The following VWA8 variants were observed in gnomAD, a reference collection of about 807,000 sequenced individuals.
VWA8 encodes the protein von Willebrand factor A domain containing 8.
A neutral mutation model predicts 241.5 loss-of-function variants in VWA8; 221 were observed. That is an observed-to-expected ratio of 0.91 (90% CI 0.82 to 1.02). The LOEUF (loss-of-function observed/expected upper bound fraction) is 1.02. VWA8 is among the 50% of genes least tolerant of loss of function. The pLI, the probability that VWA8 is intolerant of heterozygous loss-of-function variation, is 0.00. For missense variants in VWA8, 2,322 were observed against 2,328.7 expected (o/e 1.00, Z 0.06); for synonymous variants, 852 against 827.1 (o/e 1.03, Z -0.52).
intron 21 of VWA8, among the ~76,000 whole-genome samples, chr13:41,756,295 A>G (rs1043150449): frequency 6.6e-6 from 1 of 151,730 alleles, no homozygotes; most frequent in Non-Finnish European, 1.5e-5. Context: ...GGTAACATAC[A>G]CCTAGAAATA....
chr13:41,938,031 C>T (rs892144040), intron 2 of VWA8, among the ~76,000 whole-genome samples: 2 of 151,734 alleles, frequency 1.3e-5, no homozygotes, highest in East Asian at 3.9e-4. Flanking sequence ...CATGGTGGCA[C>T]ACGTCTGTAA....
At chr13:41,923,579 G>A (rs1490677140) in intron 2 of VWA8, among the ~76,000 whole-genome samples, 1 of 151,984 alleles carries the variant, frequency 6.6e-6, no homozygotes, top group African/African-American at 2.4e-5. Flanking sequence ...CTGGACCTGT[G>A]CCCCAGATCC....
At chr13:41,790,302 G>T (rs1869397544) in intron 17 of VWA8, among the ~76,000 whole-genome samples, 1 of 152,078 alleles carries the variant, frequency 6.6e-6, no homozygotes, top group Admixed American at 6.6e-5. Flanking sequence ...CACTGTGTAT[G>T]ATTAGTTCGA....
At chr13:41,711,864 ACT>A (rs2045320632) in intron 26 of VWA8, among the ~76,000 whole-genome samples, 1 of 151,368 alleles carries the variant, frequency 6.6e-6, no homozygotes, top group South Asian at 2.1e-4. Flanking sequence ...ACAGAGCGAG[ACT>A]CTGTCTCAAA....
intron 44 of VWA8, among the ~76,000 whole-genome samples, chr13:41,569,230 A>T (rs1308851996): frequency 6.6e-6 from 1 of 152,382 alleles, no homozygotes; most frequent in South Asian, 2.1e-4. Flanking sequence ...CCACAAGGGT[A>T]TTATTGTGCT....
At chr13:41,848,939 A>G (rs1872405989) in intron 12 of VWA8, among the ~76,000 whole-genome samples, 1 of 152,246 alleles carries the variant, frequency 6.6e-6, no homozygotes, top group Admixed American at 6.5e-5. Flanking sequence ...ACCTTTTAAC[A>G]GCAGTCAATA....
chr13:41,905,806 G>A (rs1260521121), intron 4 of VWA8, among the ~76,000 whole-genome samples: 2 of 152,150 alleles, frequency 1.3e-5, no homozygotes, highest in East Asian at 1.9e-4. Flanking sequence ...CTCTTACCCT[G>A]TAGAGGTAAA....
Position 41,961,043 on chromosome 13 carries a change from G to A in VWA8, c.-28C>T, listed in dbSNP as rs1878596330. ...CGCCGGGGGGGCTGTCGGGGACGGCGAGGGGGCTCGGGGATCGAGCGGCGT... is the reference window on the plus strand; with the variant it reads ...CGCCGGGGGGGCTGTCGGGGACGGCAAGGGGGCTCGGGGATCGAGCGGCGT... On this transcript the variant is annotated 5_prime_UTR_variant, in exon 1 of 45. Transcript: ENST00000379310. 7 of 1,357,090 alleles carry A rather than the reference G, an allele frequency of 5.2e-6. No homozygotes were observed. The highest frequency in any genetic ancestry group is 5.7e-6 in the Non-Finnish European group (6 of 1,061,458). The allele number at this position is 1,357,090 out of a possible 1,614,324, so 84.1% of individuals were successfully genotyped here.
At chr13:41,710,230 T>A (rs1184766716) in intron 26 of VWA8, among the ~76,000 whole-genome samples, 2 of 152,192 alleles carry the variant, frequency 1.3e-5, no homozygotes, top group Non-Finnish European at 1.5e-5. Flanking sequence ...CAACAAATGA[T>A]GCACTCTACT....
chr13:41,885,845 C>A, intron 8 of VWA8, 75 bp downstream of exon 8: 1 of 1,033,210 alleles, frequency 9.7e-7, no homozygotes, highest in South Asian at 1.6e-5. Context: ...AAACTGAAGT[C>A]ATTAATCCCT....
intron 9 of VWA8, among the ~76,000 whole-genome samples, chr13:41,869,700 C>T (rs1306908664): frequency 1.5e-5 from 2 of 137,680 alleles, no homozygotes; most frequent in Non-Finnish European, 3.1e-5. Context: ...CAATTATCAA[C>T]GTTCTAACAT....
chr13:41,588,457 A>C (rs1243847562), intron 41 of VWA8, among the ~76,000 whole-genome samples: 1 of 152,218 alleles, frequency 6.6e-6, no homozygotes, highest in Non-Finnish European at 1.5e-5. Flanking sequence ...GCAGGGGCTC[A>C]TGCCTGTAAT....
At chr13:41,640,680 T>C (rs1407463847) in intron 37 of VWA8, among the ~76,000 whole-genome samples, 2 of 152,218 alleles carry the variant, frequency 1.3e-5, no homozygotes, top group African/African-American at 4.8e-5. Context: ...TGCTTAATGC[T>C]AAAACTGGGG....
chr13:41,819,976 A>G (rs1593793558), intron 14 of VWA8, among the ~76,000 whole-genome samples: 1 of 152,340 alleles, frequency 6.6e-6, no homozygotes, highest in East Asian at 1.9e-4. Flanking sequence ...CTTATAGGAA[A>G]TGTTATGATT....
intron 22 of VWA8, among the ~76,000 whole-genome samples, 162 bp from the exon 23 acceptor site, chr13:41,729,839 ACAC>A (rs1482021536): frequency 8.7e-5 from 13 of 150,266 alleles, no homozygotes; most frequent in African/African-American, 3.0e-4. Context: ...ACACACACAC[ACAC>A]ATCTATAGCA....
intron 41 of VWA8, among the ~76,000 whole-genome samples, chr13:41,589,503 C>G (rs1165179638): frequency 3.3e-5 from 5 of 152,118 alleles, no homozygotes; most frequent in Middle Eastern, 6.3e-3. Flanking sequence ...CGTGTTGGAG[C>G]TCAGAAATCG....
chr13:41,779,356 G>A (rs1181553012), intron 19 of VWA8, among the ~76,000 whole-genome samples: 2 of 151,578 alleles, frequency 1.3e-5, no homozygotes, highest in African/African-American at 4.8e-5. Context: ...CTGAGAAAGT[G>A]TTTTATCTCC....
intron 38 of VWA8, among the ~76,000 whole-genome samples, chr13:41,614,299 A>G (rs2044607669): frequency 6.6e-6 from 1 of 152,188 alleles, no homozygotes; most frequent in Non-Finnish European, 1.5e-5. Context: ...CCTCATGGTG[A>G]GATAAGCTCA....
chr13:41,829,387 C>A (rs895377487), intron 14 of VWA8, among the ~76,000 whole-genome samples: 8 of 152,104 alleles, frequency 5.3e-5, no homozygotes, highest in Admixed American at 2.0e-4. Context: ...AATCCCACTA[C>A]TGGGTATCTA....
Sources: allele counts gnomAD v4.1 joint callset (sites outside exome capture counted in the v4.1 genomes callset), GRCh38; gene constraint gnomAD v4.1.1; transcripts MANE v1.5; gene names NCBI Gene and HGNC (gene_info 2026-07-23, HGNC 2026-07-21).